The following PEAK1 variants were observed in gnomAD, a reference collection of about 807,000 sequenced individuals.
PEAK1 encodes the protein pseudopodium enriched atypical kinase 1.
Under a neutral mutation model 124.7 loss-of-function variants are expected in PEAK1, and 54 were observed. That is an observed-to-expected ratio of 0.43 (90% CI 0.35 to 0.54). PEAK1 has a LOEUF of 0.54. Among genes scored for constraint, PEAK1 ranks in the 20% least tolerant of loss-of-function variants. The pLI is 0.01. For missense variants in PEAK1, 2,046 were observed against 2,134.5 expected (o/e 0.96, Z 0.82); for synonymous variants, 719 against 760.0 (o/e 0.95, Z 0.89).
chr15:77,250,147 A>G (rs148405153), intron 6 of PEAK1, among the ~76,000 whole-genome samples: 1 of 142,628 alleles, frequency 7.0e-6, no homozygotes, highest in Admixed American at 7.1e-5. Context: ...CTGTTAAGAT[A>G]TATATATACA....
chr15:77,335,175 GT>G (rs1325948631), intron 2 of PEAK1: 2 of 985,338 alleles, frequency 2.0e-6, no homozygotes, highest in African/African-American at 3.5e-5. Context: ...CATGCATTAA[GT>G]TTACTGTCCC....
intron 7 of PEAK1, among the ~76,000 whole-genome samples, chr15:77,167,941 A>G (rs2056227020): frequency 6.6e-6 from 1 of 152,022 alleles, no homozygotes; most frequent in Admixed American, 6.6e-5. Context: ...CCTGTCTCCA[A>G]GTGTTCTCAT....
chr15:77,217,247 A>G (rs866962111), intron 6 of PEAK1, among the ~76,000 whole-genome samples: 376 of 134,482 alleles, frequency 2.8e-3, no homozygotes, highest in African/African-American at 8.5e-3. Context: ...AAAAAAAAAA[A>G]GGGCAGGTTG....
chr15:77,259,192 A>G (rs894627434), intron 5 of PEAK1, among the ~76,000 whole-genome samples: 1 of 152,132 alleles, frequency 6.6e-6, no homozygotes, highest in African/African-American at 2.4e-5. Flanking sequence ...TACATTCAAG[A>G]TGGCTATTTG....
chr15:77,298,197 A>ATTTTTTTTTT lies in PEAK1; in HGVS notation c.-602-11703_-602-11694dup, dbSNP rs749000554. Among the ~76,000 whole-genome samples, 98 of 37,822 alleles carry ATTTTTTTTTT rather than the reference A, an allele frequency of 2.6e-3. 19 individuals carry two copies. The highest frequency in any genetic ancestry group is 5.0e-3 in the African/African-American group (37 of 7,414). The allele number at this position is 37,822 out of a possible 152,430, so 24.8% of individuals were successfully genotyped here. ...TAGCTTCTTTTGTTTGGTATCCTTAATTTTTTTTTTTTTTTTTTTTTTTTT... is the reference window on the plus strand; with the variant it reads ...TAGCTTCTTTTGTTTGGTATCCTTAATTTTTTTTTTTTTTTTTTTTTTTTTTTTTTTTTTT... On this transcript the variant is annotated intron_variant, in intron 2 of 9. Coordinates refer to ENST00000682557, the MANE Select transcript of PEAK1 (RefSeq NM_001385026.1).
At chr15:77,389,704 T>C (rs2070289525) in intron 1 of PEAK1, among the ~76,000 whole-genome samples, 2 of 150,000 alleles carry the variant, frequency 1.3e-5, no homozygotes, top group Non-Finnish European at 2.9e-5. Flanking sequence ...GTGCATGTAA[T>C]AGAAATCTAG....
At chr15:77,125,496 G>A (rs545957054) in intron 9 of PEAK1, among the ~76,000 whole-genome samples, 8 of 151,934 alleles carry the variant, frequency 5.3e-5, no homozygotes, top group Admixed American at 2.0e-4. Flanking sequence ...GTGTGTGTGT[G>A]TATGTGTGTG....
At chr15:77,246,958 C>T (rs1403167010) in intron 6 of PEAK1, among the ~76,000 whole-genome samples, 2 of 151,914 alleles carry the variant, frequency 1.3e-5, no homozygotes, top group Non-Finnish European at 2.9e-5. Context: ...GCAGAGGTTG[C>T]AGTGAGCCGA....
chr15:77,358,825 T>C (rs572934858), intron 2 of PEAK1, among the ~76,000 whole-genome samples: 1 of 152,200 alleles, frequency 6.6e-6, no homozygotes, highest in African/African-American at 2.4e-5. Context: ...GAAATTTTAA[T>C]GGATAATGAC....
intron 8 of PEAK1, among the ~76,000 whole-genome samples, chr15:77,148,858 G>A (rs1028590034): frequency 6.6e-6 from 1 of 152,170 alleles, no homozygotes; most frequent in African/African-American, 2.4e-5. Context: ...GGAGTTTGAG[G>A]CTGCAGTGAG....
At chr15:77,380,256 T>C (rs1258962719) in intron 1 of PEAK1, among the ~76,000 whole-genome samples, 1 of 152,138 alleles carries the variant, frequency 6.6e-6, no homozygotes, top group Admixed American at 6.5e-5. Context: ...TATGTAATAA[T>C]ACAGGCCGAT....
rs748588226 is a variant in PEAK1, at chr15:77,133,396, G to A, written c.3686C>T (p.Pro1229Leu). The A allele has an allele frequency of 1.2e-6, 2 of 1,614,218 alleles. No individual in the cohort carries two copies. Among genetic ancestry groups the A allele is most frequent in the Admixed American group, 1.7e-5 (1 of 60,026 alleles). ...ERPLRKERPV[P>L]SAANSISSLT... ...GCTGGAAATGCTGTTTGCTGCTGAG[G>A]GGACAGGTCTCTCCTTGCGCAAAGG... is the stretch of plus-strand genomic sequence containing the variant. The change falls in exon 9 of 10, where the codon CCC (proline) becomes CTC (leucine). Residue 1229 changes from proline (P) to leucine (L), a missense_variant. Coordinates refer to ENST00000682557, the MANE Select transcript of PEAK1 (RefSeq NM_001385026.1). The surrounding 1 kb of genome is among the most constrained non-coding windows in gnomAD (Gnocchi z 4.2).
intron 2 of PEAK1, among the ~76,000 whole-genome samples, chr15:77,358,331 G>A (rs1006922705): frequency 6.6e-6 from 1 of 152,110 alleles, no homozygotes; most frequent in African/African-American, 2.4e-5. Context: ...TCTCATGAGA[G>A]TAGTCTATAC....
intron 5 of PEAK1, among the ~76,000 whole-genome samples, chr15:77,260,191 C>A (rs1035928794): frequency 1.3e-5 from 2 of 152,030 alleles, no homozygotes; most frequent in Non-Finnish European, 2.9e-5. Flanking sequence ...GTGAGGGGCC[C>A]TAGAATAAAG....
chr15:77,320,914 G>GT lies in PEAK1; in HGVS notation c.-602-34411dup, dbSNP rs1009895910. On this transcript the variant is annotated intron_variant, in intron 2 of 9. Transcript: ENST00000682557. ...TATGAGTGAGAGCATGCGGTGTTTG[G>GT]TTTTTTGTCCTTGCGACACTTTGCT... 4.0e-4 allele frequency among the ~76,000 whole-genome samples: 61 copies of GT among 152,004 alleles called. 1 individual carries two copies. The highest frequency in any genetic ancestry group is 1.3e-3 in the African/African-American group (52 of 41,440).
chr15:77,218,307 T>C (rs2059235056), intron 6 of PEAK1, among the ~76,000 whole-genome samples: 1 of 152,142 alleles, frequency 6.6e-6, no homozygotes, highest in Admixed American at 6.5e-5. Context: ...AGTTTCCCCA[T>C]TACTTTGATA....
rs1193325257 is a variant in PEAK1, at chr15:77,181,527, C to G, written c.400G>C (p.Gly134Arg). 1.2e-6 allele frequency: 2 copies of G among 1,613,934 alleles called. No homozygotes were observed. The highest frequency in any genetic ancestry group is 1.7e-5 in the Admixed American group (1 of 59,988). The change falls in exon 7 of 10, where the codon GGC (glycine) becomes CGC (arginine). Residue 134 changes from glycine (G) to arginine (R), a missense_variant. By Grantham distance (125) the Gly-to-Arg change is moderately radical (BLOSUM62 -2). Coordinates refer to ENST00000682557, the MANE Select transcript of PEAK1 (RefSeq NM_001385026.1). The part of the protein sequence containing the change: ...EGISHVPKPY[G>R]NNDSAKKMSD... ...ATCTTCTTTGCACTATCATTATTGC[C>G]ATAAGGCTTAGGAACATGGCTAATT...
intron 1 of PEAK1, among the ~76,000 whole-genome samples, chr15:77,400,351 T>C (rs888514552): frequency 2.0e-5 from 3 of 152,142 alleles, no homozygotes; most frequent in African/African-American, 7.2e-5. Context: ...ATCAAAGACA[T>C]ATCTCCACTC....
chr15:77,420,773 G>C (rs188840992), upstream of PEAK1: 5 of 398,390 alleles, frequency 1.3e-5, no homozygotes, highest in African/African-American at 1.0e-4. Flanking sequence ...CTTCTCACCG[G>C]AGCAATTGTA....
Sources: allele counts gnomAD v4.1 joint callset (sites outside exome capture counted in the v4.1 genomes callset), GRCh38; gene constraint gnomAD v4.1.1; non-coding constraint Gnocchi (gnomAD v3.1); transcripts MANE v1.5; gene names NCBI Gene and HGNC (gene_info 2026-07-23, HGNC 2026-07-21).